The following SMARCA2 variants were observed in gnomAD, a reference collection of about 807,000 sequenced individuals.
The protein encoded by SMARCA2 is SWI/SNF related BAF chromatin remodeling complex subunit ATPase 2.
A neutral mutation model predicts 199.8 loss-of-function variants in SMARCA2; 61 were observed. The ratio of observed to expected loss-of-function variants is 0.31; its 90% confidence interval spans 0.25 to 0.38. The LOEUF (loss-of-function observed/expected upper bound fraction) is 0.38, where lower values mean the gene tolerates loss of function less well. Ranked by LOEUF, SMARCA2 falls within the 10% of genes least tolerant of loss-of-function variation. The probability of loss-of-function intolerance (pLI) is 1.00; values close to 1 mark genes in which losing one functional copy is unlikely to be tolerated. For synonymous variants in SMARCA2, 935 were observed against 732.0 expected (o/e 1.28, Z -4.48); for missense variants, 1,344 against 2,012.2 (o/e 0.67, Z 6.35).
chr9:2,119,447 T>A lies in SMARCA2; in HGVS notation c.3685-11T>A, dbSNP rs1180451968. The A allele has an allele frequency of 6.2e-7, 1 of 1,604,396 alleles. No homozygotes were observed. The highest frequency in any genetic ancestry group is 2.2e-5 in the East Asian group (1 of 44,826). On this transcript the variant is annotated splice_polypyrimidine_tract_variant and intron_variant, in intron 25 of 33. Coordinates refer to ENST00000349721, the MANE Select transcript of SMARCA2 (RefSeq NM_003070.5). This position sits in a 1 kb window ranked among gnomAD's most constrained non-coding sequence, Gnocchi z 4.6. ...GTCCACTGGTTAAAATCACTCTGTT[T>A]TTAACCCCAGGAAGAAGATGAAGTA... is the stretch of plus-strand genomic sequence containing the variant.
chr9:2,160,393 G>A, intron 27 of SMARCA2: 1 of 540,088 alleles, frequency 1.9e-6, no homozygotes, highest in African/African-American at 1.9e-5. Context: ...TTTGCACATT[G>A]GAGGATGCGT....
At chr9:2,024,711 A>C (rs1384421334) in intron 1 of SMARCA2, among the ~76,000 whole-genome samples, 4 of 152,158 alleles carry the variant, frequency 2.6e-5, no homozygotes, top group Non-Finnish European at 5.9e-5. Context: ...TCTGGTGGAA[A>C]CATGGCTTGC....
At position 2,102,166 on chromosome 9, in the gene SMARCA2, G is replaced by T. The variant is rs1044021966; in HGVS notation, c.3125+550G>T. Among the ~76,000 whole-genome samples the T allele has an allele frequency of 3.0e-4, 45 of 149,410 alleles. No homozygotes were observed. In the East Asian group the frequency reaches 7.6e-3, roughly 25 times the overall value. ...GTGTGTGTGTGTGTGTGTGTGTGTG[G>T]TGTGTTGCAAATTTGAAAAATTTAT... On this transcript the variant is annotated intron_variant, in intron 22 of 33. Coordinates refer to ENST00000349721, the MANE Select transcript of SMARCA2 (RefSeq NM_003070.5).
In SMARCA2 at chr9:2,047,101, C is replaced by T. The variant is rs572968795; in HGVS notation, c.791-128C>T. 711 of 520,952 alleles carry T rather than the reference C, an allele frequency of 1.4e-3. 3 individuals are homozygous for T. Among genetic ancestry groups the T allele is most frequent in the Non-Finnish European group, 1.7e-3 (679 of 410,154 alleles). 32.3% of individuals were successfully genotyped at this position (520,952 alleles called of 1,614,324 possible). A position where few individuals can be genotyped will look rare whatever the true frequency, so the allele number is the denominator to read the frequency against. On this transcript the variant is annotated intron_variant, in intron 4 of 33. Transcript: ENST00000349721. ...TGCCCTCCTTTTTTTTTTTTTCCTT[C>T]TCTTCCCTCAGGTGTTTAAGACACT...
At chr9:2,033,968 C>T (rs959562973) in intron 3 of SMARCA2, among the ~76,000 whole-genome samples, 12 of 152,172 alleles carry the variant, frequency 7.9e-5, no homozygotes, top group African/African-American at 2.4e-4. Context: ...TGTTTCAGGC[C>T]GGGCCTGGTG....
At chr9:2,149,423 G>A (rs778822258) in intron 27 of SMARCA2, among the ~76,000 whole-genome samples, 6 of 151,474 alleles carry the variant, frequency 4.0e-5, no homozygotes, top group Non-Finnish European at 7.4e-5. Flanking sequence ...AGGAGGCTGA[G>A]GCAGGAGAAT....
chr9:2,036,449 C>G (rs1819338783), intron 3 of SMARCA2, among the ~76,000 whole-genome samples: 1 of 152,162 alleles, frequency 6.6e-6, no homozygotes, highest in Admixed American at 6.5e-5. Context: ...TATATTCACT[C>G]TCAGGCAATT....
At chr9:2,028,910 A>T in intron 1 of SMARCA2, 77 bp from the exon 2 acceptor site, 1 of 1,233,244 alleles carries the variant, frequency 8.1e-7, no homozygotes, top group African/African-American at 1.5e-5. Context: ...GGCACCATCA[A>T]ATGCTAACAA....
rs1471503885 is a variant in SMARCA2 at position 2,058,534 on chromosome 9, A to T, written c.1521+70A>T. ...TCCGTCTGCAATGAGACCATTAAAT[A>T]TGGTGGTAGTAGAAGGAAAAAATGA... On this transcript the variant is annotated intron_variant, in intron 8 of 33. Transcript: ENST00000349721. The T allele has an allele frequency of 2.3e-6, 3 of 1,289,284 alleles. No individual in the cohort carries two copies. In the African/African-American group the frequency reaches 4.5e-5, roughly 19 times the overall value. The allele number at this position is 1,289,284 out of a possible 1,614,324, so 79.9% of individuals were successfully genotyped here.
chr9:2,044,004 A>G (rs570412104), intron 4 of SMARCA2: 1 of 152,342 alleles, frequency 6.6e-6, no homozygotes, highest in Admixed American at 6.5e-5. Flanking sequence ...TGAAGATACC[A>G]GGGAAAAGTC....
intron 18 of SMARCA2, chr9:2,087,309 C>T: frequency 2.0e-6 from 1 of 510,564 alleles, no homozygotes; most frequent in Admixed American, 3.4e-5. Flanking sequence ...AGCATGTTTA[C>T]CAGGCTACCA....
Position 2,170,092 on chromosome 9 carries a change from G to T in SMARCA2, c.4200-327G>T, listed in dbSNP as rs377427923. The stretch of plus-strand genomic sequence containing the variant: ...TAGCACTACCTTCCCAAGATCACAC[G>T]CACCTCTAGCCAGTGGCTGCCTGTC... On this transcript the variant is annotated intron_variant, in intron 28 of 33. Transcript: ENST00000349721. The surrounding 1 kb of genome is among the most constrained non-coding windows in gnomAD (Gnocchi z 4.7). Among the ~76,000 whole-genome samples the T allele has an allele frequency of 6.6e-6, 1 of 152,138 alleles. No homozygotes were observed. Among genetic ancestry groups the T allele is most frequent in the Non-Finnish European group, 1.5e-5 (1 of 68,016 alleles).
chr9:2,176,182 G>GTTTTTTTTTTTTTTGTT (rs1554642562), intron 29 of SMARCA2, among the ~76,000 whole-genome samples: 1 of 104,160 alleles, frequency 9.6e-6, no homozygotes, highest in African/African-American at 3.7e-5. Flanking sequence ...CGCCCGGCCT[G>GTTTTTTTTTTTTTTGTT]TTTTTTTTTT....
Position 2,058,015 on chromosome 9 carries a change from G to T in SMARCA2, c.1348-276G>T, listed in dbSNP as rs532548207. The T allele has an allele frequency of 1.0e-4, 26 of 253,408 alleles. No homozygotes were observed. In the South Asian group the frequency reaches 2.8e-3, roughly 27 times the overall value. The allele number at this position is 253,408 out of a possible 1,614,324, so 15.7% of individuals were successfully genotyped here. A position where few individuals can be genotyped will look rare whatever the true frequency, so the allele number is the denominator to read the frequency against. The stretch of plus-strand genomic sequence containing the variant: ...ATTTTGTAGGTCTCTTTCAGTCTTC[G>T]ATCTTTCCATTCTCATGTGGCCACA... On this transcript the variant is annotated intron_variant, in intron 7 of 33. Coordinates refer to ENST00000349721, the MANE Select transcript of SMARCA2 (RefSeq NM_003070.5).
chr9:2,029,363 T>A, intron 2 of SMARCA2, 116 bp downstream of exon 2: 1 of 1,369,982 alleles, frequency 7.3e-7, no homozygotes, highest in Non-Finnish European at 9.9e-7. Flanking sequence ...AAGATCTTTG[T>A]CTTGTATATC....
In SMARCA2 at chr9:2,184,882, T is replaced by C. The variant is rs1023064775; in HGVS notation, c.4462-1214T>C. Among the ~76,000 whole-genome samples the C allele has an allele frequency of 5.3e-5, 8 of 152,270 alleles. No homozygotes were observed. In the South Asian group the frequency reaches 1.7e-3, roughly 32 times the overall value. On this transcript the variant is annotated intron_variant, in intron 31 of 33. Coordinates refer to ENST00000349721, the MANE Select transcript of SMARCA2 (RefSeq NM_003070.5). The stretch of plus-strand genomic sequence containing the variant: ...TCTCTCGCGCGGGTCCTTTGTTCTG[T>C]CATACTCATACTCACTGCCTATATT...
At chr9:2,168,361 A>C (rs16937809) in intron 28 of SMARCA2, among the ~76,000 whole-genome samples, 1 of 152,120 alleles carries the variant, frequency 6.6e-6, no homozygotes, top group Non-Finnish European at 1.5e-5. Flanking sequence ...AATTTGGTAA[A>C]CTACAAACCT....
At chr9:2,021,383 TCATATG>T (rs1818594199) in intron 1 of SMARCA2, among the ~76,000 whole-genome samples, 1 of 152,130 alleles carries the variant, frequency 6.6e-6, no homozygotes, top group Non-Finnish European at 1.5e-5. Flanking sequence ...AAAAGGAACG[TCATATG>T]TTGGCTTACA....
At chr9:2,025,211 G>A (rs1165915988) in intron 1 of SMARCA2, among the ~76,000 whole-genome samples, 1 of 152,042 alleles carries the variant, frequency 6.6e-6, no homozygotes, top group Admixed American at 6.5e-5. Context: ...AAGTAAGGAC[G>A]AAATCAAGAC....
Sources: gnomAD v4.1 joint callset for allele counts (sites outside exome capture counted in the v4.1 genomes callset) on GRCh38, gnomAD v4.1.1 for gene constraint, Gnocchi (gnomAD v3.1) non-coding constraint, MANE v1.5 for transcripts, NCBI Gene and HGNC (gene_info 2026-07-23, HGNC 2026-07-21) for gene names.